DPYD: variants seen among roughly 807,000 people sequenced by gnomAD.
DPYD encodes the protein dihydropyrimidine dehydrogenase, also known as dihydropyrimidine dehydrogenase [NADP(+)].
In DPYD, 109 loss-of-function variants were observed where a neutral mutation model predicts 116.2. The observed-to-expected ratio is 0.94, with a 90% CI of 0.80 to 1.10. The LOEUF is 1.10. Ranked by LOEUF, DPYD falls within the 50% of genes least tolerant of loss-of-function variation. The pLI is 0.00. For missense variants in DPYD, 1,302 were observed against 1,254.5 expected, an observed-to-expected ratio of 1.04 and a Z score of -0.57; for synonymous variants, 440 against 432.0, an observed-to-expected ratio of 1.02 and a Z score of -0.23.
chr1:97,813,639 AT>A (rs1571400703), intron 3 of DPYD, among the ~76,000 whole-genome samples: 1 of 152,234 alleles, frequency 6.6e-6, no homozygotes. Context: ...AGATCTCTAA[AT>A]AAAATTACTA....
At chr1:97,242,162 A>C (rs1198246824) in intron 18 of DPYD, among the ~76,000 whole-genome samples, 1 of 120,828 alleles carries the variant, frequency 8.3e-6, no homozygotes, top group African/African-American at 3.1e-5. Flanking sequence ...ATATATATAT[A>C]TATATATATC....
intron 2 of DPYD, among the ~76,000 whole-genome samples, chr1:97,862,486 T>C (rs1277200514): frequency 1.3e-5 from 2 of 151,938 alleles, no homozygotes; most frequent in African/African-American, 4.8e-5. Flanking sequence ...GATACCTCTT[T>C]GGAGACTATC....
chr1:97,488,919 T>C (rs1029954067), intron 13 of DPYD, among the ~76,000 whole-genome samples: 5 of 152,208 alleles, frequency 3.3e-5, no homozygotes, highest in South Asian at 2.1e-4. Flanking sequence ...ACACTCTCTA[T>C]GGGGTAGCCC....
At chr1:97,418,024 T>G (rs572546669) in intron 14 of DPYD, among the ~76,000 whole-genome samples, 1 of 152,358 alleles carries the variant, frequency 6.6e-6, no homozygotes, top group East Asian at 1.9e-4. Context: ...ATTACTGATC[T>G]ATAATCCCTT....
chr1:97,705,215 T>C (rs1661858980), intron 5 of DPYD, among the ~76,000 whole-genome samples: 1 of 152,026 alleles, frequency 6.6e-6, no homozygotes, highest in African/African-American at 2.4e-5. Flanking sequence ...ATGTGCCATG[T>C]TGGTGTGCTG....
intron 2 of DPYD, among the ~76,000 whole-genome samples, chr1:97,865,344 T>C (rs1423874752): frequency 6.6e-6 from 1 of 151,976 alleles, no homozygotes. Context: ...TCTAAGATAA[T>C]ATTTCTGAAA....
rs1036859473 is a variant in DPYD at position 97,913,706 on chromosome 1, C to A, written c.39+7178G>T. 3.3e-5 allele frequency among the ~76,000 whole-genome samples: 5 copies of A among 152,018 alleles called. No individual in the cohort carries two copies. The East Asian group carries it at 5.8e-4, about 18-fold the overall frequency. On this transcript the variant is annotated intron_variant, in intron 1 of 22. Transcript: ENST00000370192. The stretch of plus-strand genomic sequence containing the variant: ...TAAAGAATTTCATAAAGATTAAGAT[C>A]TACCGGGTGAGTCAATTCTGTGTAG...
chr1:97,891,407 G>A (rs1558035455), intron 1 of DPYD, among the ~76,000 whole-genome samples: 1 of 126,582 alleles, frequency 7.9e-6, no homozygotes, highest in Non-Finnish European at 1.7e-5. Context: ...AGATACACTG[G>A]TTATTCCAGA....
intron 21 of DPYD, among the ~76,000 whole-genome samples, chr1:97,088,408 C>T (rs1419858017): frequency 6.6e-6 from 1 of 152,194 alleles, no homozygotes; most frequent in African/African-American, 2.4e-5. Flanking sequence ...CATTACTTGT[C>T]TCTCTTTTGT....
chr1:97,419,106 T>C (rs1422073390), intron 14 of DPYD, among the ~76,000 whole-genome samples: 3 of 152,122 alleles, frequency 2.0e-5, no homozygotes, highest in Admixed American at 2.0e-4. Context: ...CCAATGGATA[T>C]CCCACAGGCA....
chr1:97,916,236 C>A (rs1286646977), intron 1 of DPYD, among the ~76,000 whole-genome samples: 1 of 152,004 alleles, frequency 6.6e-6, no homozygotes, highest in Non-Finnish European at 1.5e-5. Flanking sequence ...GTACAACGTG[C>A]AGGTTAGTTA....
chr1:97,499,065 G>T (rs1463764254), intron 13 of DPYD, among the ~76,000 whole-genome samples: 1 of 151,766 alleles, frequency 6.6e-6, no homozygotes, highest in Middle Eastern at 3.4e-3. Flanking sequence ...AAGATGAAAA[G>T]TTGAGTGGAT....
At chr1:97,354,145 A>G (rs1433633881) in intron 16 of DPYD, among the ~76,000 whole-genome samples, 2 of 152,216 alleles carry the variant, frequency 1.3e-5, no homozygotes, top group Admixed American at 6.5e-5. Flanking sequence ...CAGGTGTTGT[A>G]CCTGCTCTCA....
chr1:97,720,448 C>T, intron 5 of DPYD: 2 of 990,606 alleles, frequency 2.0e-6, no homozygotes, highest in East Asian at 1.1e-4. Context: ...AAGCCTAATG[C>T]AATTTTGAAT....
At chr1:97,831,814 T>C (rs1571433729) in intron 2 of DPYD, among the ~76,000 whole-genome samples, 1 of 151,552 alleles carries the variant, frequency 6.6e-6, no homozygotes, top group South Asian at 2.1e-4. Flanking sequence ...TGATTAGTAA[T>C]AAAATACTGG....
chr1:97,521,513 C>G (rs1648660108), intron 12 of DPYD, among the ~76,000 whole-genome samples: 1 of 152,090 alleles, frequency 6.6e-6, no homozygotes. Flanking sequence ...AATGCTATCC[C>G]AATCAAGCTA....
At chr1:97,289,617 G>T (rs1368743960) in intron 18 of DPYD, among the ~76,000 whole-genome samples, 22 of 152,064 alleles carry the variant, frequency 1.4e-4, no homozygotes. Context: ...TGCAGAAAAG[G>T]CCTTTGACAA....
intron 19 of DPYD, among the ~76,000 whole-genome samples, chr1:97,200,421 C>G (rs1659123184): frequency 6.6e-6 from 1 of 152,134 alleles, no homozygotes; most frequent in Non-Finnish European, 1.5e-5. Context: ...TATCACATCA[C>G]AAATTGCATT....
intron 8 of DPYD, among the ~76,000 whole-genome samples, chr1:97,676,972 T>C (rs1156341390): frequency 6.6e-6 from 1 of 152,190 alleles, no homozygotes; most frequent in Non-Finnish European, 1.5e-5. Context: ...GACTCTACAT[T>C]CTAAATGCTG....
Sources: gnomAD v4.1 joint callset for allele counts (sites outside exome capture counted in the v4.1 genomes callset) on GRCh38, gnomAD v4.1.1 for gene constraint, MANE v1.5 for transcripts, NCBI Gene and HGNC (gene_info 2026-07-23, HGNC 2026-07-21) for gene names.